The following AUTS2 variants were observed in gnomAD, a reference collection of about 807,000 sequenced individuals.
AUTS2 encodes activator of transcription and developmental regulator AUTS2.
In AUTS2, 17 loss-of-function variants were observed where a neutral mutation model predicts 112.4. That is an observed-to-expected ratio of 0.15 (90% CI 0.10 to 0.23). The LOEUF (loss-of-function observed/expected upper bound fraction) is 0.23. Among genes scored for constraint, AUTS2 ranks in the 10% least tolerant of loss-of-function variants. The probability of loss-of-function intolerance (pLI) is 1.00; values close to 1 mark genes in which losing one functional copy is unlikely to be tolerated. For missense variants in AUTS2, 1,510 were observed against 1,701.6 expected (o/e 0.89, Z 1.98); for synonymous variants, 751 against 702.7 (o/e 1.07, Z -1.09).
chr7:70,644,964 G>T (rs1308408235), intron 5 of AUTS2, among the ~76,000 whole-genome samples: 4 of 152,152 alleles, frequency 2.6e-5, no homozygotes, highest in Non-Finnish European at 5.9e-5. Context: ...CTTTACTGTT[G>T]AATCAGAGCA....
chr7:69,698,462 T>G (rs1797654078), intron 1 of AUTS2, among the ~76,000 whole-genome samples: 1 of 152,212 alleles, frequency 6.6e-6, no homozygotes, highest in African/African-American at 2.4e-5. Flanking sequence ...TAAAAAGTAC[T>G]TACCTGCTGA....
At chr7:69,691,647 C>A (rs1040304484) in intron 1 of AUTS2, among the ~76,000 whole-genome samples, 24 of 151,924 alleles carry the variant, frequency 1.6e-4, no homozygotes, top group African/African-American at 5.3e-4. Context: ...GGGAGTTGGG[C>A]CCCCGAGAAC....
chr7:70,496,375 C>T (rs1798505175), intron 5 of AUTS2, among the ~76,000 whole-genome samples: 1 of 132,114 alleles, frequency 7.6e-6, no homozygotes. Context: ...GATCACACAC[C>T]CCACTCACAC....
chr7:70,076,771 A>G (rs1803055706), intron 2 of AUTS2, among the ~76,000 whole-genome samples: 2 of 152,220 alleles, frequency 1.3e-5, no homozygotes, highest in Admixed American at 1.3e-4. Flanking sequence ...AAACAGATAA[A>G]TGGGAAACCC....
chr7:69,634,119 A>AT (rs1201871474), intron 1 of AUTS2, among the ~76,000 whole-genome samples: 22 of 150,370 alleles, frequency 1.5e-4, no homozygotes, highest in African/African-American at 5.4e-4. Flanking sequence ...ACCAGACTTG[A>AT]TTATTATTTT....
At chr7:69,952,273 A>G (rs572211207) in intron 2 of AUTS2, among the ~76,000 whole-genome samples, 21 of 152,332 alleles carry the variant, frequency 1.4e-4, no homozygotes, top group Middle Eastern at 3.4e-3. Flanking sequence ...ATATTAAATT[A>G]ACCAAATGAA....
At chr7:69,966,233 T>G (rs780638618) in intron 2 of AUTS2, among the ~76,000 whole-genome samples, 3 of 152,194 alleles carry the variant, frequency 2.0e-5, no homozygotes, top group Non-Finnish European at 4.4e-5. Context: ...TCTTCGATGC[T>G]TCTGCAACAC....
At chr7:69,792,235 T>G (rs1789639247) in intron 1 of AUTS2, among the ~76,000 whole-genome samples, 2 of 151,166 alleles carry the variant, frequency 1.3e-5, no homozygotes, top group Non-Finnish European at 2.9e-5. Flanking sequence ...AGTTGTTGTT[T>G]TTTTTTTGTT....
intron 2 of AUTS2, among the ~76,000 whole-genome samples, chr7:69,929,035 T>G (rs955592457): frequency 2.6e-5 from 4 of 152,246 alleles, no homozygotes; most frequent in East Asian, 1.9e-4. Context: ...GGCCTTCTTT[T>G]AACATTTCTT....
intron 4 of AUTS2, among the ~76,000 whole-genome samples, chr7:70,387,692 G>C (rs934600130): frequency 6.6e-6 from 1 of 152,014 alleles, no homozygotes; most frequent in Non-Finnish European, 1.5e-5. Flanking sequence ...TCACCTCCTT[G>C]GTTGCCAAGA....
intron 5 of AUTS2, among the ~76,000 whole-genome samples, chr7:70,689,808 C>T (rs1052513779): frequency 4.0e-5 from 6 of 151,478 alleles, no homozygotes; most frequent in African/African-American, 1.5e-4. Context: ...AGATGTCGTT[C>T]CCTAGTAGAG....
intron 1 of AUTS2, among the ~76,000 whole-genome samples, chr7:69,720,765 T>A (rs1798889406): frequency 6.6e-6 from 1 of 152,194 alleles, no homozygotes; most frequent in Non-Finnish European, 1.5e-5. Flanking sequence ...CAGCTTCTGC[T>A]GTTATTACGG....
At chr7:70,679,046 C>T (rs1452296104) in intron 5 of AUTS2, among the ~76,000 whole-genome samples, 1 of 152,070 alleles carries the variant, frequency 6.6e-6, no homozygotes, top group African/African-American at 2.4e-5. Flanking sequence ...AATAAATAGA[C>T]CCTGCATGGT....
rs536321426 is a variant in AUTS2 at position 70,464,066 on chromosome 7, C to T, written c.690+28285C>T. ...TGGGAGCAGGCACAGGAAAGGGGGG[C>T]CTGTTAATCTAGCAAATGTTTGCCT... On this transcript the variant is annotated intron_variant, in intron 5 of 18. Coordinates refer to ENST00000342771, the MANE Select transcript of AUTS2 (RefSeq NM_015570.4). 1.3e-4 allele frequency among the ~76,000 whole-genome samples: 20 copies of T among 152,274 alleles called. No individual in the cohort carries two copies. In the East Asian group the frequency reaches 3.9e-3, roughly 29 times the overall value.
chr7:69,672,250 G>T lies in AUTS2; in HGVS notation c.309+72288G>T, dbSNP rs182138189. 3.1e-3 allele frequency among the ~76,000 whole-genome samples: 469 copies of T among 151,970 alleles called. 1 individual carries two copies. Among genetic ancestry groups the T allele is most frequent in the Middle Eastern group, 0.01 (3 of 294 alleles). On this transcript the variant is annotated intron_variant, in intron 1 of 18. Coordinates refer to ENST00000342771, the MANE Select transcript of AUTS2 (RefSeq NM_015570.4). ...AATTTTGTATTTTTAGTAGAGACGG[G>T]GTTTCTCCATGTTGGTCAGTCCGAT...
intron 4 of AUTS2, among the ~76,000 whole-genome samples, chr7:70,217,076 A>T (rs1363714580): frequency 6.6e-6 from 1 of 152,004 alleles, no homozygotes; most frequent in African/African-American, 2.4e-5. Flanking sequence ...TACTACCACT[A>T]TTTGGACTAA....
At chr7:70,302,735 A>G (rs945601292) in intron 4 of AUTS2, among the ~76,000 whole-genome samples, 4 of 151,882 alleles carry the variant, frequency 2.6e-5, no homozygotes, top group Non-Finnish European at 5.9e-5. Context: ...ATTCTTACCA[A>G]TTTGATGGTC....
At chr7:69,979,849 C>T (rs1176055245) in intron 2 of AUTS2, among the ~76,000 whole-genome samples, 1 of 152,116 alleles carries the variant, frequency 6.6e-6, no homozygotes, top group Non-Finnish European at 1.5e-5. Flanking sequence ...CACATATTCG[C>T]CTTGTTTTTT....
At chr7:70,458,186 G>T (rs553289434) in intron 5 of AUTS2, among the ~76,000 whole-genome samples, 21 of 152,156 alleles carry the variant, frequency 1.4e-4, no homozygotes, top group Non-Finnish European at 2.5e-4. Flanking sequence ...GCCTGGAGTG[G>T]CCCACAGCAA....
Sources: allele counts gnomAD v4.1 joint callset (sites outside exome capture counted in the v4.1 genomes callset), GRCh38; gene constraint gnomAD v4.1.1; transcripts MANE v1.5; gene names NCBI Gene and HGNC (gene_info 2026-07-23, HGNC 2026-07-21).